RIC1: variants seen among roughly 807,000 people sequenced by gnomAD.
RIC1 encodes the protein guanine nucleotide exchange factor subunit RIC1.
A neutral mutation model predicts 169.0 loss-of-function variants in RIC1; 88 were observed. The ratio of observed to expected loss-of-function variants is 0.52; its 90% CI spans 0.44 to 0.62. The LOEUF is 0.62. Ranked by LOEUF, RIC1 falls within the 20% of genes least tolerant of loss-of-function variation. The probability of loss-of-function intolerance (pLI) is 0.00; values close to 1 mark genes in which losing one functional copy is unlikely to be tolerated. For synonymous variants in RIC1, 790 were observed against 601.5 expected, an observed-to-expected ratio of 1.31 and a Z score of -4.59; for missense variants, 1,877 against 1,725.5, an observed-to-expected ratio of 1.09 and a Z score of -1.56.
intron 3 of RIC1, among the ~76,000 whole-genome samples, chr9:5,702,429 G>A (rs1236999510): frequency 6.6e-6 from 1 of 152,228 alleles, no homozygotes; most frequent in Non-Finnish European, 1.5e-5. Context: ...GACAGAAGGA[G>A]AAGGGGAAGC....
chr9:5,738,704 G>A (rs1246137793), intron 8 of RIC1, among the ~76,000 whole-genome samples, 166 bp downstream of exon 8: 4 of 152,060 alleles, frequency 2.6e-5, no homozygotes, highest in Non-Finnish European at 5.9e-5. Context: ...TTGAGGGGCC[G>A]TGATTCTGTT....
chr9:5,767,590 GTTTT>G, intron 21 of RIC1, among the ~76,000 whole-genome samples: 1 of 151,816 alleles, frequency 6.6e-6, no homozygotes, highest in Non-Finnish European at 1.5e-5. Flanking sequence ...GTTTTACTGG[GTTTT>G]TTTGTTTTTT....
At chr9:5,771,850 A>C (rs2131149977) in intron 23 of RIC1, among the ~76,000 whole-genome samples, 1 of 152,304 alleles carries the variant, frequency 6.6e-6, no homozygotes, top group East Asian at 1.9e-4. Flanking sequence ...ACTAATGGCC[A>C]CATATGTTTG....
chr9:5,647,251 C>T (rs910473939), intron 1 of RIC1, among the ~76,000 whole-genome samples: 10 of 152,082 alleles, frequency 6.6e-5, no homozygotes, highest in African/African-American at 2.2e-4. Context: ...AAATGTGAGA[C>T]GTCCAACTTT....
intron 2 of RIC1, among the ~76,000 whole-genome samples, chr9:5,670,966 G>T (rs546161306): frequency 1.3e-5 from 2 of 152,236 alleles, no homozygotes; most frequent in Non-Finnish European, 2.9e-5. Context: ...GGACCAGTTG[G>T]TGGGTCCACG....
intron 2 of RIC1, among the ~76,000 whole-genome samples, chr9:5,673,539 T>TAG (rs1820246877): frequency 1.4e-5 from 2 of 142,568 alleles, no homozygotes; most frequent in African/African-American, 2.7e-5. Flanking sequence ...TAAGGAGATA[T>TAG]ATATATATAT....
chr9:5,725,610 G>A (rs1464289533), intron 6 of RIC1, among the ~76,000 whole-genome samples: 1 of 152,046 alleles, frequency 6.6e-6, no homozygotes, highest in Non-Finnish European at 1.5e-5. Flanking sequence ...GCTTTTGAAT[G>A]TGTCTGCTCC....
In RIC1 at chr9:5,743,030, A is replaced by T; in HGVS notation, c.1046+17A>T. 6.3e-7 allele frequency: 1 copy of T among 1,597,320 alleles called. No individual in the cohort carries two copies. Among genetic ancestry groups the T allele is most frequent in the East Asian group, 2.2e-5 (1 of 44,740 alleles). On this transcript the variant is annotated intron_variant, in intron 9 of 25. Coordinates refer to ENST00000414202, the MANE Select transcript of RIC1 (RefSeq NM_020829.4). ...AGATTTTGCGTAAGTCAAAAAAGAC[A>T]ATTTTTAGATAAAATAACTCCATTA...
rs533957984 is a variant in RIC1, at chr9:5,646,265, G to T, written c.145-10318G>T. Reference sequence around the variant, plus strand: ...GTTCTTTGCCCATTGTTTTTCTTGGGTTATTTTTTGTTGAGTTGTAACGCT... The same window carrying T: ...GTTCTTTGCCCATTGTTTTTCTTGGTTTATTTTTTGTTGAGTTGTAACGCT... On this transcript the variant is annotated intron_variant, in intron 1 of 25. Transcript: ENST00000414202. 3.9e-5 allele frequency among the ~76,000 whole-genome samples: 6 copies of T among 152,086 alleles called. No homozygotes were observed. The East Asian group carries it at 7.7e-4, about 20-fold the overall frequency.
intron 2 of RIC1, among the ~76,000 whole-genome samples, chr9:5,674,349 G>C (rs1157693838): frequency 8.6e-5 from 13 of 151,988 alleles, no homozygotes; most frequent in Admixed American, 8.5e-4. Context: ...GTTTTAAATA[G>C]CCCAAGTAAG....
At chr9:5,730,989 C>T (rs1233506081) in intron 6 of RIC1, among the ~76,000 whole-genome samples, 1 of 152,134 alleles carries the variant, frequency 6.6e-6, no homozygotes, top group Non-Finnish European at 1.5e-5. Context: ...GGCTTTTACA[C>T]TTGTTTTATT....
At chr9:5,749,210 A>G (rs1008303436) in intron 12 of RIC1, among the ~76,000 whole-genome samples, 5 of 152,232 alleles carry the variant, frequency 3.3e-5, no homozygotes, top group African/African-American at 1.2e-4. Flanking sequence ...AAACCGAGGT[A>G]CTGAGCATTA....
intron 6 of RIC1, among the ~76,000 whole-genome samples, chr9:5,722,906 C>A (rs1301734257): frequency 6.6e-6 from 1 of 152,202 alleles, no homozygotes; most frequent in Non-Finnish European, 1.5e-5. Flanking sequence ...TTTATGGCTG[C>A]ATAGTATTCC....
At position 5,655,205 on chromosome 9, in the gene RIC1, T is replaced by C. The variant is rs1448626473; in HGVS notation, c.145-1378T>C. ...TGAGCTGTAGGTTTCTCATAGATCT[T>C]CTTTATCACGTTGAAAAAATTTCTT... On this transcript the variant is annotated intron_variant, in intron 1 of 25. Coordinates refer to ENST00000414202, the MANE Select transcript of RIC1 (RefSeq NM_020829.4). 2.0e-5 allele frequency among the ~76,000 whole-genome samples: 3 copies of C among 152,246 alleles called. No individual in the cohort carries two copies. In the East Asian group the frequency reaches 5.8e-4, roughly 29 times the overall value.
At chr9:5,666,314 T>A (rs1819754356) in intron 2 of RIC1, among the ~76,000 whole-genome samples, 1 of 152,206 alleles carries the variant, frequency 6.6e-6, no homozygotes, top group South Asian at 2.1e-4. Flanking sequence ...GCTAACTTTA[T>A]TAGCTCTAAT....
intron 1 of RIC1, among the ~76,000 whole-genome samples, chr9:5,642,630 C>T (rs1299303997): frequency 6.9e-6 from 1 of 144,878 alleles, no homozygotes; most frequent in African/African-American, 2.8e-5. Context: ...CCCACTTTTT[C>T]CCCTGTCCAC....
rs533189207 is a variant in RIC1 at position 5,749,554 on chromosome 9, A to G, written c.1452+2049A>G. Among the ~76,000 whole-genome samples the G allele has an allele frequency of 3.9e-5, 6 of 152,236 alleles. No homozygotes were observed. The South Asian group carries it at 1.2e-3, about 32-fold the overall frequency. ...TATTCGTTGTATGTATGCTTCTTGT[A>G]TAGCTTAGATGAACTCCAACTAATT... On this transcript the variant is annotated intron_variant, in intron 12 of 25. Coordinates refer to ENST00000414202, the MANE Select transcript of RIC1 (RefSeq NM_020829.4).
intron 23 of RIC1, among the ~76,000 whole-genome samples, chr9:5,771,870 C>T (rs567728086): frequency 3.9e-4 from 60 of 152,274 alleles, no homozygotes; most frequent in Non-Finnish European, 2.2e-4. Flanking sequence ...GTTGTACCTC[C>T]CCACTCTTGT....
intron 12 of RIC1, among the ~76,000 whole-genome samples, chr9:5,751,841 A>C (rs566569608): frequency 6.6e-6 from 1 of 152,224 alleles, no homozygotes; most frequent in East Asian, 1.9e-4. Flanking sequence ...GCTTTTACTT[A>C]ATTTTCTGTC....
Sources: gnomAD v4.1 joint callset for allele counts (sites outside exome capture counted in the v4.1 genomes callset) on GRCh38, gnomAD v4.1.1 for gene constraint, MANE v1.5 for transcripts, NCBI Gene and HGNC (gene_info 2026-07-23, HGNC 2026-07-21) for gene names.